Variants in EBF3 observed in about 807,000 individuals in gnomAD.
EBF3 encodes the protein transcription factor COE3.
EBF3 carries 18 observed loss-of-function variants against 77.1 expected under a neutral mutation model. That is an observed-to-expected ratio of 0.23 (90% CI 0.16 to 0.35). EBF3 has a LOEUF of 0.35. EBF3 is among the 10% of genes least tolerant of loss of function. EBF3 has a pLI of 1.00. For synonymous variants in EBF3, 350 were observed against 343.5 expected, an observed-to-expected ratio of 1.02 and a Z score of -0.21; for missense variants, 558 against 860.0, an observed-to-expected ratio of 0.65 and a Z score of 4.39.
chr10:129,940,687 C>G (rs1015516267), intron 6 of EBF3, among the ~76,000 whole-genome samples: 1 of 152,190 alleles, frequency 6.6e-6, no homozygotes, highest in Non-Finnish European at 1.5e-5. Flanking sequence ...CTCCTCACAC[C>G]TGCTAGGAAG....
chr10:129,852,249 A>T (rs1850935595), intron 10 of EBF3, among the ~76,000 whole-genome samples: 1 of 152,252 alleles, frequency 6.6e-6, no homozygotes, highest in South Asian at 2.1e-4. Flanking sequence ...TAATCTCGTT[A>T]CTTTACATGC....
intron 6 of EBF3, among the ~76,000 whole-genome samples, chr10:129,926,886 C>T (rs1541128): frequency 0.64 from 96,517 of 151,928 alleles, 30,800 homozygotes; most frequent in East Asian, 0.79. Flanking sequence ...CAGCGTTCCC[C>T]GAAACGGGGC....
intron 14 of EBF3, 113 bp from the exon 15 acceptor site, chr10:129,840,555 A>G: frequency 8.1e-7 from 1 of 1,227,798 alleles, no homozygotes; most frequent in Non-Finnish European, 1.1e-6. Flanking sequence ...ACAAAACATG[A>G]CATGCGTCTG....
intron 6 of EBF3, among the ~76,000 whole-genome samples, chr10:129,937,859 G>A (rs919376088): frequency 5.3e-5 from 8 of 152,124 alleles, no homozygotes; most frequent in East Asian, 1.9e-4. Flanking sequence ...AGGAATTCCC[G>A]GGGAAACATT....
chr10:129,963,227 G>A lies in EBF3; in HGVS notation c.291+140C>T. 1.6e-5 allele frequency: 20 copies of A among 1,282,304 alleles called. No individual in the cohort carries two copies. The highest frequency in any genetic ancestry group is 2.0e-5 in the Non-Finnish European group (20 of 978,274). 79.4% of individuals were successfully genotyped at this position (1,282,304 alleles called of 1,614,324 possible). On this transcript the variant is annotated intron_variant, in intron 2 of 16. Coordinates refer to ENST00000440978, the MANE Select transcript of EBF3 (RefSeq NM_001375380.1). This position sits in a 1 kb window ranked among gnomAD's most constrained non-coding sequence, Gnocchi z 7.1. The stretch of plus-strand genomic sequence containing the variant: ...GTTGCCCAGCCCTCGGCGGTCCCGG[G>A]CGGCCGCACGTGGCGGCGGCGGGGT...
intron 6 of EBF3, among the ~76,000 whole-genome samples, chr10:129,917,679 A>AAAAAAAAAAAC (rs1564887155): frequency 7.0e-5 from 10 of 142,078 alleles, no homozygotes; most frequent in South Asian, 2.3e-4. Context: ...AAAAAAAAAA[A>AAAAAAAAAAAC]CTAAAACCAA....
chr10:129,890,734 G>A (rs919100008), intron 6 of EBF3, among the ~76,000 whole-genome samples: 1 of 152,122 alleles, frequency 6.6e-6, no homozygotes, highest in African/African-American at 2.4e-5. Context: ...AGATTTGCCC[G>A]TTATCCCAAA....
intron 7 of EBF3, among the ~76,000 whole-genome samples, chr10:129,876,683 C>T (rs1005986251): frequency 2.6e-5 from 4 of 152,176 alleles, no homozygotes; most frequent in African/African-American, 4.8e-5. Context: ...GGTCATTCAT[C>T]CAAGCTAGTG....
At chr10:129,839,449 C>T (rs1376668155) in intron 15 of EBF3, among the ~76,000 whole-genome samples, 1 of 152,260 alleles carries the variant, frequency 6.6e-6, no homozygotes, top group Non-Finnish European at 1.5e-5. Flanking sequence ...GCCTGCACAG[C>T]TCAGATGGGC....
chr10:129,880,439 GCGCATA>G (rs1853122038), intron 6 of EBF3, among the ~76,000 whole-genome samples: 2 of 151,724 alleles, frequency 1.3e-5, no homozygotes, highest in South Asian at 2.1e-4. Flanking sequence ...AGACACACAC[GCGCATA>G]CACATACACA....
At chr10:129,893,664 C>G (rs946807523) in intron 6 of EBF3, among the ~76,000 whole-genome samples, 1 of 152,178 alleles carries the variant, frequency 6.6e-6, no homozygotes, top group African/African-American at 2.4e-5. Context: ...TTCCTGACGC[C>G]GGGAACGAGC....
intron 6 of EBF3, among the ~76,000 whole-genome samples, chr10:129,899,003 C>T (rs1022481373): frequency 3.9e-5 from 6 of 152,276 alleles, no homozygotes; most frequent in African/African-American, 7.2e-5. Flanking sequence ...ATTTTCCACA[C>T]GGCTACACGT....
At chr10:129,962,138 T>C (rs375380433) in intron 4 of EBF3, 33 bp downstream of exon 4, 3 of 1,612,976 alleles carry the variant, frequency 1.9e-6, no homozygotes, top group East Asian at 2.2e-5. Context: ...GGCCCAGCAG[T>C]GAAAACTCGT....
At chr10:129,856,489 T>TAA (rs1851261939) in intron 10 of EBF3, among the ~76,000 whole-genome samples, 1 of 152,212 alleles carries the variant, frequency 6.6e-6, no homozygotes, top group African/African-American at 2.4e-5. Context: ...GAACTATATA[T>TAA]AATGTGTGGC....
rs1850660458 is a variant in EBF3, at chr10:129,848,950, A to T, written c.1040-470T>A. 6.6e-6 allele frequency among the ~76,000 whole-genome samples: 1 copy of T among 152,222 alleles called. No homozygotes were observed. On this transcript the variant is annotated intron_variant, in intron 10 of 16. Coordinates refer to ENST00000440978, the MANE Select transcript of EBF3 (RefSeq NM_001375380.1). The surrounding 1 kb of genome is among the most constrained non-coding windows in gnomAD (Gnocchi z 4.4). ...TGAGCACAAACCAGGCAGGAGGAGC[A>T]CTTATTCTTGCAAAGCTTTAATAAT...
At chr10:129,877,924 T>C in intron 6 of EBF3, 75 bp from the exon 7 acceptor site, 7 of 1,214,230 alleles carry the variant, frequency 5.8e-6, no homozygotes, top group Non-Finnish European at 8.2e-6. Flanking sequence ...AAGACACTCT[T>C]GCGCAGGGAG....
chr10:129,933,780 A>G (rs1004240858), intron 6 of EBF3, among the ~76,000 whole-genome samples: 4 of 152,140 alleles, frequency 2.6e-5, no homozygotes, highest in African/African-American at 7.2e-5. Context: ...AAGGCCCTGC[A>G]GGGCAGGCCA....
chr10:129,869,755 G>A (rs936114397), intron 8 of EBF3, among the ~76,000 whole-genome samples: 7 of 152,106 alleles, frequency 4.6e-5, no homozygotes, highest in African/African-American at 1.7e-4. Flanking sequence ...CTCATTCCAC[G>A]CGCATCTCCC....
intron 6 of EBF3, among the ~76,000 whole-genome samples, chr10:129,925,844 G>A (rs1230218613): frequency 3.3e-5 from 5 of 152,106 alleles, no homozygotes; most frequent in East Asian, 1.9e-4. Context: ...AGCTCCTTCC[G>A]CTGGTCTAGT....
Sources: gnomAD v4.1 joint callset for allele counts (sites outside exome capture counted in the v4.1 genomes callset) on GRCh38, gnomAD v4.1.1 for gene constraint, Gnocchi (gnomAD v3.1) non-coding constraint, MANE v1.5 for transcripts, NCBI Gene and HGNC (gene_info 2026-07-23, HGNC 2026-07-21) for gene names.